EPHA4: variants seen among roughly 807,000 people sequenced by gnomAD.
EPHA4 encodes the protein ephrin type-A receptor 4.
A neutral mutation model predicts 108.3 loss-of-function variants in EPHA4; 19 were observed. The ratio of observed to expected loss-of-function variants is 0.18; its 90% CI spans 0.12 to 0.26. EPHA4 has a LOEUF of 0.26. EPHA4 is among the 10% of genes least tolerant of loss of function. The pLI is 1.00. For missense variants in EPHA4, 917 were observed against 1,254.0 expected, an observed-to-expected ratio of 0.73 and a Z score of 4.06; for synonymous variants, 449 against 455.5, an observed-to-expected ratio of 0.99 and a Z score of 0.18.
At chr2:221,566,664 G>C (rs144910791) in intron 2 of EPHA4, among the ~76,000 whole-genome samples, 2 of 151,524 alleles carry the variant, frequency 1.3e-5, no homozygotes, top group African/African-American at 4.8e-5. Flanking sequence ...CCCATTAAAA[G>C]TACTGGGTCG....
chr2:221,506,212 G>C (rs1455263124), intron 3 of EPHA4, among the ~76,000 whole-genome samples: 1 of 151,998 alleles, frequency 6.6e-6, no homozygotes, highest in Non-Finnish European at 1.5e-5. Context: ...AGTATGCTTA[G>C]GCATCTATGT....
In EPHA4 at chr2:221,544,108, C is replaced by A. The variant is rs140252985; in HGVS notation, c.823+19623G>T. Among the ~76,000 whole-genome samples, 356 of 152,250 alleles carry A rather than the reference C, an allele frequency of 2.3e-3. 1 individual carries two copies. Among genetic ancestry groups the A allele is most frequent in the South Asian group, 7.3e-3 (35 of 4,820 alleles). Reference sequence around the variant, plus strand: ...TTCATGAGGGCTCCACTCTCATGACCTAAACGCCAACCAAAGGCCCTACTT... The same window carrying A: ...TTCATGAGGGCTCCACTCTCATGACATAAACGCCAACCAAAGGCCCTACTT... On this transcript the variant is annotated intron_variant, in intron 3 of 17. Transcript: ENST00000281821.
intron 5 of EPHA4, among the ~76,000 whole-genome samples, chr2:221,463,195 T>C (rs761107312): frequency 1.3e-5 from 2 of 152,024 alleles, no homozygotes; most frequent in Admixed American, 6.6e-5. Flanking sequence ...ACATACCAAA[T>C]GGACACAAGT....
intron 5 of EPHA4, among the ~76,000 whole-genome samples, chr2:221,471,910 T>C (rs1367428253): frequency 6.6e-6 from 1 of 152,132 alleles, no homozygotes; most frequent in African/African-American, 2.4e-5. Flanking sequence ...CAAACCTTAA[T>C]AATAACCCTA....
intron 5 of EPHA4, among the ~76,000 whole-genome samples, chr2:221,466,924 T>C (rs1350312556): frequency 6.6e-6 from 1 of 152,096 alleles, no homozygotes; most frequent in Non-Finnish European, 1.5e-5. Flanking sequence ...AAGGTTTAAG[T>C]GACTGTTTTC....
At chr2:221,548,436 G>T (rs1035724204) in intron 3 of EPHA4, among the ~76,000 whole-genome samples, 1 of 151,792 alleles carries the variant, frequency 6.6e-6, no homozygotes, top group Non-Finnish European at 1.5e-5. Context: ...ATGCCTGTTC[G>T]CCTTTGCCTT....
chr2:221,464,452 G>A (rs1388911834), intron 5 of EPHA4, among the ~76,000 whole-genome samples: 1 of 152,186 alleles, frequency 6.6e-6, no homozygotes, highest in Non-Finnish European at 1.5e-5. Context: ...GCGTCTCTGA[G>A]ATGCTAAGAG....
At chr2:221,566,582 T>C (rs1042514818) in intron 2 of EPHA4, among the ~76,000 whole-genome samples, 1 of 151,948 alleles carries the variant, frequency 6.6e-6, no homozygotes, top group Non-Finnish European at 1.5e-5. Context: ...AAATTATTTA[T>C]CTTACAATAA....
intron 9 of EPHA4, among the ~76,000 whole-genome samples, chr2:221,445,811 A>G (rs1305408340): frequency 6.6e-6 from 1 of 152,106 alleles, no homozygotes; most frequent in African/African-American, 2.4e-5. Context: ...TAGATTAAAA[A>G]AAATACCCAT....
chr2:221,474,607 C>T (rs1475997704), intron 5 of EPHA4, among the ~76,000 whole-genome samples: 2 of 152,136 alleles, frequency 1.3e-5, no homozygotes, highest in Non-Finnish European at 2.9e-5. Flanking sequence ...ACTCTCCAAC[C>T]AGCTACCGAT....
chr2:221,531,732 C>CCTAA (rs10635181), intron 3 of EPHA4, among the ~76,000 whole-genome samples: 109,847 of 151,554 alleles, frequency 0.72, 40,562 homozygotes, highest in African/African-American at 0.87. Context: ...ATACATTCGG[C>CCTAA]CTAATTTCTA....
chr2:221,545,660 C>G (rs1232150785), intron 3 of EPHA4, among the ~76,000 whole-genome samples: 1 of 152,050 alleles, frequency 6.6e-6, no homozygotes, highest in Non-Finnish European at 1.5e-5. Context: ...ATGGAATAAC[C>G]ATGCACCAAT....
chr2:221,421,170 G>C (rs867314241), intron 17 of EPHA4, among the ~76,000 whole-genome samples: 14 of 152,064 alleles, frequency 9.2e-5, no homozygotes, highest in African/African-American at 2.9e-4. Flanking sequence ...GGTGGCGGGC[G>C]CCTGTAGTCC....
At chr2:221,426,727 A>C in intron 15 of EPHA4, 108 bp from the exon 16 acceptor site, 1 of 1,010,774 alleles carries the variant, frequency 9.9e-7, no homozygotes, top group Non-Finnish European at 1.4e-6. Flanking sequence ...AAGCTAAGGG[A>C]AGGTTTTAAA....
At chr2:221,557,736 A>C (rs988571892) in intron 3 of EPHA4, among the ~76,000 whole-genome samples, 2 of 152,232 alleles carry the variant, frequency 1.3e-5, no homozygotes, top group Non-Finnish European at 2.9e-5. Context: ...GGACCTCATT[A>C]ATACATTAGT....
At chr2:221,456,568 T>C (rs758701159) in intron 7 of EPHA4, 45 bp downstream of exon 7, 1 of 1,597,888 alleles carries the variant, frequency 6.3e-7, no homozygotes, top group Non-Finnish European at 8.6e-7. Context: ...AGCTGTATTA[T>C]AAAAATAGCC....
At chr2:221,465,685 C>G (rs745440606) in intron 5 of EPHA4, among the ~76,000 whole-genome samples, 7 of 152,114 alleles carry the variant, frequency 4.6e-5, no homozygotes, top group Non-Finnish European at 5.9e-5. Context: ...CCCTGTGACT[C>G]TCCATTTTCT....
At chr2:221,556,843 T>C (rs1450717069) in intron 3 of EPHA4, among the ~76,000 whole-genome samples, 1 of 152,240 alleles carries the variant, frequency 6.6e-6, no homozygotes, top group Non-Finnish European at 1.5e-5. Flanking sequence ...TGGCATTCTC[T>C]TACTGTGCTT....
At chr2:221,445,943 A>G (rs971792284) in intron 9 of EPHA4, among the ~76,000 whole-genome samples, 180 bp downstream of exon 9, 2 of 152,150 alleles carry the variant, frequency 1.3e-5, no homozygotes, top group Non-Finnish European at 2.9e-5. Flanking sequence ...CACATCTTTA[A>G]TCTCACCATC....
Sources: gnomAD v4.1 joint callset for allele counts (sites outside exome capture counted in the v4.1 genomes callset) on GRCh38, gnomAD v4.1.1 for gene constraint, MANE v1.5 for transcripts, NCBI Gene and HGNC (gene_info 2026-07-23, HGNC 2026-07-21) for gene names.